The following FAM135B variants were observed in gnomAD, a reference collection of about 807,000 sequenced individuals.
The protein encoded by FAM135B is family with sequence similarity 135 member B, also known as protein FAM135B.
A neutral mutation model predicts 127.7 loss-of-function variants in FAM135B; 43 were observed. The ratio of observed to expected loss-of-function variants is 0.34; its 90% CI spans 0.26 to 0.43. The LOEUF (loss-of-function observed/expected upper bound fraction) is 0.43, where lower values mean the gene tolerates loss of function less well. FAM135B is among the 20% of genes least tolerant of loss of function. FAM135B has a pLI of 1.00. For missense variants in FAM135B, 1,558 were observed against 1,725.6 expected, an observed-to-expected ratio of 0.90 and a Z score of 1.72; for synonymous variants, 670 against 665.1, an observed-to-expected ratio of 1.01 and a Z score of -0.11.
At chr8:138,485,820 T>C (rs530542784) in intron 1 of FAM135B, among the ~76,000 whole-genome samples, 1 of 151,848 alleles carries the variant, frequency 6.6e-6, no homozygotes, top group African/African-American at 2.4e-5. Context: ...ACAGCAATAG[T>C]AGGAAAACTC....
chr8:138,474,679 C>T lies in FAM135B; in HGVS notation c.-20+21992G>A, dbSNP rs960376488. Among the ~76,000 whole-genome samples, 4 of 152,222 alleles carry T rather than the reference C, an allele frequency of 2.6e-5. No individual in the cohort carries two copies. In the East Asian group the frequency reaches 7.7e-4, roughly 29 times the overall value. ...GCTCAACCAACGACTCTAACTAAAG[C>T]AGCAATTCTCTGCCTCCTCTTCCCT... On this transcript the variant is annotated intron_variant, in intron 1 of 19. Coordinates refer to ENST00000395297, the MANE Select transcript of FAM135B (RefSeq NM_015912.4).
chr8:138,180,654 G>A lies in FAM135B; in HGVS notation c.874-1964C>T, dbSNP rs148341233. Among the ~76,000 whole-genome samples the A allele has an allele frequency of 4.1e-3, 626 of 152,270 alleles. 5 individuals are homozygous for A. In the Middle Eastern group the frequency reaches 0.044, roughly 11 times the overall value. On this transcript the variant is annotated intron_variant, in intron 9 of 19. Transcript: ENST00000395297. ...AAGAGTAAGAAAGAGGGAAGGAGGAGTTTGGCACACAGTAAGGTTCTGTAA... is the reference window on the plus strand; with the variant it reads ...AAGAGTAAGAAAGAGGGAAGGAGGAATTTGGCACACAGTAAGGTTCTGTAA...
intron 2 of FAM135B, among the ~76,000 whole-genome samples, chr8:138,363,533 T>G (rs1033143326): frequency 6.6e-6 from 1 of 152,160 alleles, no homozygotes; most frequent in African/African-American, 2.4e-5. Flanking sequence ...TGATATCGTA[T>G]GATTCTTGAT....
chr8:138,365,532 C>T (rs569585098), intron 2 of FAM135B, among the ~76,000 whole-genome samples: 27 of 152,228 alleles, frequency 1.8e-4, no homozygotes, highest in African/African-American at 4.8e-4. Context: ...CTAAATCACT[C>T]TCTACTTATT....
At chr8:138,189,307 T>A (rs1815890693) in intron 9 of FAM135B, among the ~76,000 whole-genome samples, 1 of 152,180 alleles carries the variant, frequency 6.6e-6, no homozygotes. Context: ...GAGAGCCACT[T>A]TCATCAGCAA....
At chr8:138,253,179 T>C (rs72723664) in intron 5 of FAM135B, among the ~76,000 whole-genome samples, 1 of 152,264 alleles carries the variant, frequency 6.6e-6, no homozygotes, top group Non-Finnish European at 1.5e-5. Flanking sequence ...TGAAGTCTAC[T>C]GAGGGCAGAT....
chr8:138,441,444 A>AT (rs1342132257), intron 1 of FAM135B: 1 of 152,146 alleles, frequency 6.6e-6, no homozygotes, highest in Non-Finnish European at 1.5e-5. Flanking sequence ...GACACTTTGA[A>AT]TGGGGGTGTT....
intron 1 of FAM135B, among the ~76,000 whole-genome samples, chr8:138,483,962 TAAGA>T (rs1165069905): frequency 1.3e-5 from 2 of 152,336 alleles, no homozygotes; most frequent in East Asian, 3.9e-4. Flanking sequence ...GCCATACAAA[TAAGA>T]AAGAGCAGAT....
chr8:138,137,653 G>A (rs957859596), intron 18 of FAM135B, among the ~76,000 whole-genome samples: 2 of 152,060 alleles, frequency 1.3e-5, no homozygotes, highest in Non-Finnish European at 2.9e-5. Context: ...ATAAGGAAAA[G>A]TCAGTCTGAC....
intron 1 of FAM135B, among the ~76,000 whole-genome samples, chr8:138,377,404 A>G (rs894913060): frequency 6.6e-6 from 1 of 152,196 alleles, no homozygotes; most frequent in Admixed American, 6.5e-5. Flanking sequence ...TATAATTTAC[A>G]AAGAACAGAA....
At chr8:138,265,248 C>T (rs1266807094) in intron 4 of FAM135B, among the ~76,000 whole-genome samples, 1 of 152,148 alleles carries the variant, frequency 6.6e-6, no homozygotes, top group Non-Finnish European at 1.5e-5. Context: ...ACATCACCTG[C>T]CAAGGTGTTT....
intron 3 of FAM135B, 22 bp downstream of exon 3, chr8:138,310,819 C>A: frequency 6.2e-7 from 1 of 1,611,104 alleles, no homozygotes; most frequent in Non-Finnish European, 8.5e-7. Flanking sequence ...GGCAAGTGCC[C>A]CATTGCCATT....
chr8:138,359,953 C>A (rs1830317803), intron 2 of FAM135B, among the ~76,000 whole-genome samples: 1 of 152,154 alleles, frequency 6.6e-6, no homozygotes, highest in Non-Finnish European at 1.5e-5. Context: ...TGAGCCTTCA[C>A]ACTTTTACAT....
chr8:138,380,995 A>AAT (rs398047487), intron 1 of FAM135B, among the ~76,000 whole-genome samples: 4 of 151,696 alleles, frequency 2.6e-5, no homozygotes, highest in Non-Finnish European at 5.9e-5. Context: ...ACAAAAAAAA[A>AAT]CAGAACATTT....
At chr8:138,322,572 T>TA (rs1020819480) in intron 2 of FAM135B, among the ~76,000 whole-genome samples, 1 of 152,148 alleles carries the variant, frequency 6.6e-6, no homozygotes, top group African/African-American at 2.4e-5. Flanking sequence ...TTCTCTCCTT[T>TA]AAAAAAGCTA....
intron 19 of FAM135B, among the ~76,000 whole-genome samples, chr8:138,133,776 A>G (rs1338048760): frequency 1.3e-5 from 2 of 152,112 alleles, no homozygotes; most frequent in Non-Finnish European, 2.9e-5. Flanking sequence ...TTTTCCCTCC[A>G]GTTATCAGCA....
chr8:138,273,004 G>A (rs1041641686), intron 3 of FAM135B, among the ~76,000 whole-genome samples: 4 of 152,148 alleles, frequency 2.6e-5, no homozygotes, highest in African/African-American at 9.7e-5. Context: ...AGGGTTTTGA[G>A]GGTTTTACGA....
intron 2 of FAM135B, among the ~76,000 whole-genome samples, chr8:138,340,565 T>C (rs1828976675): frequency 6.6e-6 from 1 of 152,152 alleles, no homozygotes; most frequent in Non-Finnish European, 1.5e-5. Flanking sequence ...CCAGCACCCA[T>C]GTCCTGTTCA....
chr8:138,271,510 T>G (rs2130678075), intron 3 of FAM135B, among the ~76,000 whole-genome samples: 1 of 152,316 alleles, frequency 6.6e-6, no homozygotes, highest in South Asian at 2.1e-4. Context: ...GATTCAGCAT[T>G]GAACACTCAC....
Sources: gnomAD v4.1 joint callset for allele counts (sites outside exome capture counted in the v4.1 genomes callset) on GRCh38, gnomAD v4.1.1 for gene constraint, MANE v1.5 for transcripts, NCBI Gene and HGNC (gene_info 2026-07-23, HGNC 2026-07-21) for gene names.